The following CLCN1 variants were observed in gnomAD, a reference collection of about 807,000 sequenced individuals.
The protein encoded by CLCN1 is chloride channel protein 1.
In CLCN1, 100 loss-of-function variants were observed where a neutral mutation model predicts 114.5. The ratio of observed to expected loss-of-function variants is 0.87; its 90% confidence interval spans 0.74 to 1.03. The LOEUF (loss-of-function observed/expected upper bound fraction) is 1.03, where lower values mean the gene tolerates loss of function less well. CLCN1 is among the 50% of genes least tolerant of loss of function. The pLI is 0.00. For synonymous variants in CLCN1, 485 were observed against 487.1 expected, an observed-to-expected ratio of 1.00 and a Z score of 0.06; for missense variants, 1,188 against 1,250.0, an observed-to-expected ratio of 0.95 and a Z score of 0.75.
At chr7:143,336,094 T>A (rs1292461060) in intron 12 of CLCN1, among the ~76,000 whole-genome samples, 1 of 152,188 alleles carries the variant, frequency 6.6e-6, no homozygotes, top group Non-Finnish European at 1.5e-5. Flanking sequence ...AATTCTCAGT[T>A]TGCTTTTAAT....
chr7:143,320,550 CT>C, intron 2 of CLCN1, 113 bp from the exon 3 acceptor site: 1 of 844,508 alleles, frequency 1.2e-6, no homozygotes. Flanking sequence ...TCGTTAGCTG[CT>C]TTTCTCTCTC....
intron 6 of CLCN1, chr7:143,323,808 C>A (rs1249616567): frequency 2.1e-6 from 1 of 475,832 alleles, no homozygotes; most frequent in South Asian, 1.5e-5. Flanking sequence ...CCGCGTGCTT[C>A]TCTGTTGCAG....
At chr7:143,330,650 T>G in intron 7 of CLCN1, 122 bp from the exon 8 acceptor site, 1 of 1,296,018 alleles carries the variant, frequency 7.7e-7, no homozygotes, top group South Asian at 1.2e-5. Context: ...ATCATTACTT[T>G]CCACTACTGC....
chr7:143,344,098 C>T (rs1421584820), intron 16 of CLCN1, among the ~76,000 whole-genome samples: 1 of 152,234 alleles, frequency 6.6e-6, no homozygotes, highest in Non-Finnish European at 1.5e-5. Context: ...CCTTGGCCTC[C>T]CAAAGTGCTG....
chr7:143,344,430 T>A (rs534117357), intron 16 of CLCN1, among the ~76,000 whole-genome samples: 76 of 152,350 alleles, frequency 5.0e-4, no homozygotes, highest in African/African-American at 1.7e-3. Flanking sequence ...TTGGAGTCAT[T>A]AAGATTGTTA....
chr7:143,341,259 T>A (rs1371636384), intron 14 of CLCN1, among the ~76,000 whole-genome samples: 1 of 152,030 alleles, frequency 6.6e-6, no homozygotes, highest in African/African-American at 2.4e-5. Context: ...AACTGAGTTG[T>A]AAAATGCTCA....
intron 20 of CLCN1, among the ~76,000 whole-genome samples, chr7:143,348,258 A>G (rs772534005): frequency 7.2e-5 from 11 of 152,186 alleles, no homozygotes; most frequent in Non-Finnish European, 1.3e-4. Flanking sequence ...GAGGGAAAGG[A>G]AGAACTATTC....
chr7:143,351,278 C>A lies in CLCN1; in HGVS notation c.2596-316C>A, dbSNP rs138863076. 3.4e-3 allele frequency among the ~76,000 whole-genome samples: 524 copies of A among 151,924 alleles called. 2 individuals carry two copies. Among genetic ancestry groups the A allele is most frequent in the Non-Finnish European group, 5.9e-3 (398 of 67,968 alleles). On this transcript the variant is annotated intron_variant, in intron 22 of 22. Coordinates refer to ENST00000343257, the MANE Select transcript of CLCN1 (RefSeq NM_000083.3). ...CATGAGTCACAGTTTCTCGGGGATG[C>A]GCTTTGAGGAAAGCTGCGGAAAAAA... is the stretch of plus-strand genomic sequence containing the variant.
intron 1 of CLCN1, among the ~76,000 whole-genome samples, chr7:143,318,597 C>T (rs1485944915): frequency 2.0e-5 from 3 of 152,176 alleles, no homozygotes; most frequent in African/African-American, 7.2e-5. Context: ...TTCTCCCTTG[C>T]CCTCCCCTCA....
At position 143,350,757 on chromosome 7, in the gene CLCN1, C is replaced by G. The variant is rs1013329155; in HGVS notation, c.2595+103C>G. On this transcript the variant is annotated intron_variant, in intron 22 of 22. Coordinates refer to ENST00000343257, the MANE Select transcript of CLCN1 (RefSeq NM_000083.3). This position sits in a 1 kb window ranked among gnomAD's most constrained non-coding sequence, Gnocchi z 5.1. ...AATATTAGCATCTCAGAAGTCCCCTCAGATTCCCTTCTCTATTTCTTTCTT... is the reference window on the plus strand; with the variant it reads ...AATATTAGCATCTCAGAAGTCCCCTGAGATTCCCTTCTCTATTTCTTTCTT... The G allele has an allele frequency of 7.5e-6, 6 of 800,564 alleles. No homozygotes were observed. Among genetic ancestry groups the G allele is most frequent in the African/African-American group, 1.7e-5 (1 of 57,664 alleles). The allele number at this position is 800,564 out of a possible 1,614,324, so 49.6% of individuals were successfully genotyped here.
At position 143,321,528 on chromosome 7, in the gene CLCN1, G is replaced by T. The variant is rs746313278; in HGVS notation, c.562+35G>T. 1.1e-5 allele frequency: 17 copies of T among 1,613,614 alleles called. No homozygotes were observed. In the East Asian group the frequency reaches 3.8e-4, roughly 36 times the overall value. On this transcript the variant is annotated intron_variant, in intron 4 of 22. Coordinates refer to ENST00000343257, the MANE Select transcript of CLCN1 (RefSeq NM_000083.3). This position sits in a 1 kb window ranked among gnomAD's most constrained non-coding sequence, Gnocchi z 4.2. ...TGCCACCAGACTCGGCCTGAGCTGG[G>T]TGGCCTGAGAGGGGCCCTGTCTGTC... is the stretch of plus-strand genomic sequence containing the variant.
chr7:143,343,302 C>T (rs1365394651), intron 16 of CLCN1, among the ~76,000 whole-genome samples: 1 of 152,176 alleles, frequency 6.6e-6, no homozygotes, highest in East Asian at 1.9e-4. Flanking sequence ...ATTTGGTGGT[C>T]ATTTTTAGCA....
At chr7:143,345,463 C>T in intron 16 of CLCN1, 58 bp from the exon 17 acceptor site, 3 of 1,479,010 alleles carry the variant, frequency 2.0e-6, no homozygotes, top group Non-Finnish European at 1.8e-6. Context: ...GAGTGCGGAG[C>T]GCGGTGGTGC....
At chr7:143,327,916 A>G (rs1001098303) in intron 7 of CLCN1, among the ~76,000 whole-genome samples, 2 of 152,130 alleles carry the variant, frequency 1.3e-5, no homozygotes, top group East Asian at 3.9e-4. Context: ...CGGCCTCCCA[A>G]AGTGCTGGGG....
Position 143,339,511 on chromosome 7 carries a change from G to A in CLCN1, c.1472G>A (p.Gly491Glu). The change falls in exon 14 of 23, where the codon GGA becomes GAA. Residue 491 changes from glycine to glutamate, a missense_variant and splice_region_variant. Physicochemically the swap from Gly to Glu is moderately conservative, Grantham distance 98. Coordinates refer to ENST00000343257, the MANE Select transcript of CLCN1 (RefSeq NM_000083.3). The surrounding 1 kb of genome is among the most constrained non-coding windows in gnomAD (Gnocchi z 4.1). The part of the protein sequence containing the change: ...CGGFMPVFVL[G>E]AAFGRLVGEI... ...TTCCTTCCTTTTATCTTCCCTCTAG[G>A]AGCTGCATTTGGAAGGCTGGTAGGA... is the stretch of plus-strand genomic sequence containing the variant. 1 of 1,610,478 alleles carries A rather than the reference G, an allele frequency of 6.2e-7. No individual in the cohort carries two copies.
chr7:143,317,731 G>A (rs1469974389), intron 1 of CLCN1, among the ~76,000 whole-genome samples: 2 of 152,122 alleles, frequency 1.3e-5, no homozygotes, highest in East Asian at 1.9e-4. Flanking sequence ...CAAAGGCAGC[G>A]CTAGGGACCC....
chr7:143,330,965 A>C, intron 8 of CLCN1, 68 bp downstream of exon 8: 1 of 1,608,328 alleles, frequency 6.2e-7, no homozygotes, highest in Non-Finnish European at 8.5e-7. Context: ...GCAGAGGAAA[A>C]CTCTGTGGGG....
chr7:143,321,385 C>T lies in CLCN1; in HGVS notation c.454C>T (p.Gln152Ter). Residue 152 changes from glutamine (Q) to a stop codon, truncating the protein, a stop_gained, in exon 4 of 23, where the codon CAG (glutamine) becomes TAG (stop). Coordinates refer to ENST00000343257, the MANE Select transcript of CLCN1 (RefSeq NM_000083.3). LOFTEE classifies it high-confidence loss of function. The surrounding 1 kb of genome is among the most constrained non-coding windows in gnomAD (Gnocchi z 4.2). ...CGCAGCCTACAAGTGGTCCTACGCG[C>T]AGATGCAGCCCAGCCTTCCTCTGCA... The part of the protein sequence containing the change: ...SLQAYKWSYA[Q>*]MQPSLPLQFL... 2 of 1,614,252 alleles carry T rather than the reference C, an allele frequency of 1.2e-6. No individual in the cohort carries two copies. Among genetic ancestry groups the T allele is most frequent in the Middle Eastern group, 1.6e-4 (1 of 6,062 alleles).
In CLCN1 at chr7:143,336,195, C is replaced by T. The variant is rs75186002; in HGVS notation, c.1402-3058C>T. On this transcript the variant is annotated intron_variant, in intron 12 of 22. Transcript: ENST00000343257. ...TTTCACTCCTTTCACTTCATTCTCC[C>T]GAAGTGAATTCTTCATTTTACTCCT... Among the ~76,000 whole-genome samples, 550 of 152,026 alleles carry T rather than the reference C, an allele frequency of 3.6e-3. 4 individuals carry two copies. Among genetic ancestry groups the T allele is most frequent in the African/African-American group, 0.013 (524 of 41,464 alleles).
Sources: gnomAD v4.1 joint callset for allele counts (sites outside exome capture counted in the v4.1 genomes callset) on GRCh38, gnomAD v4.1.1 for gene constraint, Gnocchi (gnomAD v3.1) non-coding constraint, MANE v1.5 for transcripts, NCBI Gene and HGNC (gene_info 2026-07-23, HGNC 2026-07-21) for gene names.